The following MREG variants were observed in gnomAD, a reference collection of about 807,000 sequenced individuals.
The protein encoded by MREG is melanoregulin, also known as dilute suppressor protein homolog.
MREG carries 31 observed loss-of-function variants against 28.5 expected under a neutral mutation model. That is an observed-to-expected ratio of 1.09 (90% CI 0.82 to 1.47). The LOEUF is 1.47. MREG is among the 40% of genes most tolerant of loss of function. MREG has a pLI of 0.00. For missense variants in MREG, 256 were observed against 257.4 expected, an observed-to-expected ratio of 0.99 and a Z score of 0.04; for synonymous variants, 106 against 95.2, an observed-to-expected ratio of 1.11 and a Z score of -0.66.
At chr2:215,988,993 G>C (rs753014052) in intron 2 of MREG, among the ~76,000 whole-genome samples, 2 of 152,218 alleles carry the variant, frequency 1.3e-5, no homozygotes, top group Non-Finnish European at 2.9e-5. Context: ...GTTCCTGCCT[G>C]CCGGCTCTGA....
chr2:215,950,099 C>G (rs927322739), intron 2 of MREG, among the ~76,000 whole-genome samples: 1 of 152,182 alleles, frequency 6.6e-6, no homozygotes, highest in Non-Finnish European at 1.5e-5. Flanking sequence ...CTCAATCAAT[C>G]CAAGGATGAG....
chr2:215,994,753 T>C (rs949188604), intron 2 of MREG, among the ~76,000 whole-genome samples: 2 of 152,048 alleles, frequency 1.3e-5, no homozygotes, highest in East Asian at 1.9e-4. Context: ...TCGTCCATGT[T>C]CCTCTGCTGT....
chr2:215,980,029 A>C (rs1408946555), intron 2 of MREG, among the ~76,000 whole-genome samples: 1 of 152,172 alleles, frequency 6.6e-6, no homozygotes, highest in East Asian at 1.9e-4. Flanking sequence ...TCTGTCAGTA[A>C]ATTATCCTGC....
chr2:216,026,387 A>G (rs1444345691), intron 1 of MREG, among the ~76,000 whole-genome samples: 2 of 151,336 alleles, frequency 1.3e-5, no homozygotes, highest in Admixed American at 6.6e-5. Flanking sequence ...ATTTTTGGAG[A>G]CAGTGTCTCA....
intron 2 of MREG, among the ~76,000 whole-genome samples, chr2:215,959,553 C>G (rs1368933026): frequency 6.6e-6 from 1 of 152,238 alleles, no homozygotes; most frequent in Non-Finnish European, 1.5e-5. Context: ...CTTCTCCCAA[C>G]CTGCTGTCTT....
chr2:215,996,952 T>C (rs763407277), intron 1 of MREG, among the ~76,000 whole-genome samples: 8 of 152,116 alleles, frequency 5.3e-5, no homozygotes, highest in Non-Finnish European at 8.8e-5. Context: ...GGATAATTCT[T>C]TTATTTTTCA....
chr2:215,955,148 C>T (rs966704703), intron 2 of MREG, among the ~76,000 whole-genome samples: 1 of 152,130 alleles, frequency 6.6e-6, no homozygotes, highest in African/African-American at 2.4e-5. Context: ...CATATTATAC[C>T]TTGCACTTTT....
chr2:216,020,744 G>C (rs1694507643), intron 1 of MREG, among the ~76,000 whole-genome samples: 1 of 152,220 alleles, frequency 6.6e-6, no homozygotes, highest in Admixed American at 6.5e-5. Flanking sequence ...AGCATGGTGT[G>C]TGTATCCAAG....
rs369619944 is a variant in MREG, at chr2:215,944,949, G to A, written c.559C>T (p.Arg187Cys). Residue 187 changes from arginine (R) to cysteine (C), a missense_variant, in exon 5 of 5, where the codon CGT becomes TGT. Arg to Cys is a radical substitution (Grantham distance 180). Coordinates refer to ENST00000263268, the MANE Select transcript of MREG (RefSeq NM_018000.3). The stretch of plus-strand genomic sequence containing the variant: ...CCAGGCTTCTTGGGGTAAGTTCGAC[G>A]AGCAAGCTTAAAGAACTCTTCTGCA... ...DAAEEFFKLA[R>C]RTYPKKPGVP... 2.2e-5 allele frequency: 35 copies of A among 1,607,522 alleles called. No homozygotes were observed. In the African/African-American group the frequency reaches 2.8e-4, roughly 13 times the overall value.
intron 1 of MREG, among the ~76,000 whole-genome samples, chr2:216,004,511 T>A (rs1316724618): frequency 6.8e-6 from 1 of 147,812 alleles, no homozygotes; most frequent in Admixed American, 6.8e-5. Flanking sequence ...GCCAATGCAC[T>A]CCAGCCTAAA....
chr2:216,002,490 A>G (rs1261401924), intron 1 of MREG, among the ~76,000 whole-genome samples: 1 of 152,252 alleles, frequency 6.6e-6, no homozygotes, highest in African/African-American at 2.4e-5. Flanking sequence ...CCCACAGGCC[A>G]TGTGGCAGTG....
intron 2 of MREG, among the ~76,000 whole-genome samples, chr2:215,986,695 T>C (rs1312990390): frequency 2.6e-5 from 4 of 152,196 alleles, no homozygotes. Context: ...GATGGTTTCA[T>C]ACATACGAGT....
At chr2:216,012,854 C>T (rs1441139506) in intron 1 of MREG, among the ~76,000 whole-genome samples, 1 of 152,112 alleles carries the variant, frequency 6.6e-6, no homozygotes, top group African/African-American at 2.4e-5. Context: ...GCACAGAAAT[C>T]CACAGTCGCC....
At chr2:216,005,570 G>A (rs1694130407) in intron 1 of MREG, among the ~76,000 whole-genome samples, 1 of 145,064 alleles carries the variant, frequency 6.9e-6, no homozygotes, top group Non-Finnish European at 1.5e-5. Context: ...TTCTTCCTCA[G>A]CCTCCAGAGT....
At chr2:216,002,660 C>G (rs1160291464) in intron 1 of MREG, among the ~76,000 whole-genome samples, 5 of 152,180 alleles carry the variant, frequency 3.3e-5, no homozygotes, top group Admixed American at 3.3e-4. Context: ...CCTGCTACCC[C>G]CCTGGCTTCA....
chr2:215,991,268 G>C (rs1335693391), intron 2 of MREG, among the ~76,000 whole-genome samples: 1 of 152,142 alleles, frequency 6.6e-6, no homozygotes, highest in Non-Finnish European at 1.5e-5. Context: ...CATGGAAACT[G>C]AACAACCTGT....
chr2:215,956,834 A>G (rs1265111361), intron 2 of MREG, among the ~76,000 whole-genome samples: 2 of 152,164 alleles, frequency 1.3e-5, no homozygotes, highest in African/African-American at 4.8e-5. Context: ...GCCACCATAC[A>G]TGGTCTAAAA....
downstream of MREG, among the ~76,000 whole-genome samples, chr2:215,940,430 C>T (rs1427867805): frequency 6.6e-6 from 1 of 152,204 alleles, no homozygotes; most frequent in Non-Finnish European, 1.5e-5. Context: ...CAGGGTTGTG[C>T]CATGATCCCT....
chr2:215,964,781 T>C (rs963656302), intron 2 of MREG, among the ~76,000 whole-genome samples: 12 of 152,216 alleles, frequency 7.9e-5, no homozygotes, highest in Middle Eastern at 3.4e-3. Context: ...TCAAAGCATA[T>C]AAAAATGGGC....
Sources: allele counts gnomAD v4.1 joint callset (sites outside exome capture counted in the v4.1 genomes callset), GRCh38; gene constraint gnomAD v4.1.1; transcripts MANE v1.5; gene names NCBI Gene and HGNC (gene_info 2026-07-23, HGNC 2026-07-21).